The following ATP5F1A variants were observed in gnomAD, a reference collection of about 807,000 sequenced individuals.
ATP5F1A encodes ATP synthase F(1) complex subunit alpha, mitochondrial.
In ATP5F1A, 24 loss-of-function variants were observed where a neutral mutation model predicts 57.4. The observed-to-expected ratio is 0.42, with a 90% CI of 0.30 to 0.59. The LOEUF is 0.59. Among genes scored for constraint, ATP5F1A ranks in the 20% least tolerant of loss-of-function variants. ATP5F1A has a pLI of 0.19. For missense variants in ATP5F1A, 494 were observed against 707.9 expected, an observed-to-expected ratio of 0.70 and a Z score of 3.43; for synonymous variants, 251 against 255.5, an observed-to-expected ratio of 0.98 and a Z score of 0.17.
chr18:46,099,009 T>C (rs192635321), upstream of ATP5F1A, among the ~76,000 whole-genome samples: 2 of 151,950 alleles, frequency 1.3e-5, no homozygotes, highest in Non-Finnish European at 2.9e-5. Context: ...ACCTAGGTGA[T>C]GGGATGATAG....
rs1241520640 is a variant in ATP5F1A, at chr18:46,089,680, A to G, written c.536T>C (p.Ile179Thr). The G allele has an allele frequency of 2.5e-6, 4 of 1,614,278 alleles. No homozygotes were observed. Among genetic ancestry groups the G allele is most frequent in the Non-Finnish European group, 3.4e-6 (4 of 1,180,054 alleles). Residue 179 changes from isoleucine to threonine, a missense_variant, in exon 5 of 12, where the codon ATC (isoleucine) becomes ACC (threonine). By Grantham distance (89) the Ile-to-Thr change is moderately conservative. Coordinates refer to ENST00000398752, the MANE Select transcript of ATP5F1A (RefSeq NM_004046.6). ...TTCCCGCACTGAAATTCGAGGAATG[A>G]TACCGGGGGCTTTCAGACCAACTCG... Reference protein sequence around the residue: ...RRRVGLKAPGIIPRISVREPM... With the variant: ...RRRVGLKAPGTIPRISVREPM...
At position 46,082,110 on chromosome 18, in the gene ATP5F1A, G is replaced by T. The variant is rs563198216; in HGVS notation, c.*2172C>A. ...AAAAAAAAAAAAAAAGAGGCCGGGC[G>T]CGGTGGCTCAAGCCTGTAATCCCAG... On this transcript the variant is annotated 3_prime_UTR_variant, in exon 12 of 12. Transcript: ENST00000398752. 2 of 150,732 alleles carry T rather than the reference G, an allele frequency of 1.3e-5. No individual in the cohort carries two copies. Among genetic ancestry groups the T allele is most frequent in the East Asian group, 3.9e-4 (2 of 5,134 alleles). The allele number at this position is 150,732 out of a possible 1,614,324, so 9.3% of individuals were successfully genotyped here. A position where few individuals can be genotyped will look rare whatever the true frequency, so the allele number is the denominator to read the frequency against.
upstream of ATP5F1A, among the ~76,000 whole-genome samples, chr18:46,100,811 G>A (rs371900853): frequency 5.9e-5 from 9 of 152,170 alleles, no homozygotes; most frequent in Admixed American, 3.3e-4. Context: ...GGTGGCTCAC[G>A]CCTGTAATCC....
At chr18:46,095,521 T>C (rs1045049401) in intron 1 of ATP5F1A, among the ~76,000 whole-genome samples, 3 of 152,076 alleles carry the variant, frequency 2.0e-5, no homozygotes, top group Non-Finnish European at 4.4e-5. Flanking sequence ...TTCACCATGC[T>C]GGCCAGGCTG....
At chr18:46,090,446 G>A (rs1415676165) in intron 3 of ATP5F1A, among the ~76,000 whole-genome samples, 1 of 152,134 alleles carries the variant, frequency 6.6e-6, no homozygotes, top group Non-Finnish European at 1.5e-5. Context: ...ATCAAAACCT[G>A]TACTCTTCGA....
chr18:46,100,844 G>T (rs142957863), upstream of ATP5F1A, among the ~76,000 whole-genome samples: 89 of 151,588 alleles, frequency 5.9e-4, no homozygotes, highest in East Asian at 0.017. Context: ...AGGCCGAGGC[G>T]GGTGGATCAC....
chr18:46,102,463 A>G (rs1013725986), upstream of ATP5F1A, among the ~76,000 whole-genome samples: 5 of 151,940 alleles, frequency 3.3e-5, no homozygotes, highest in African/African-American at 1.2e-4. Context: ...GGCTGGGATT[A>G]CAGGCACGTG....
chr18:46,103,531 G>A (rs1911351025), intron 1 of ATP5F1A, among the ~76,000 whole-genome samples: 1 of 146,042 alleles, frequency 6.8e-6, no homozygotes, highest in Non-Finnish European at 1.5e-5. Flanking sequence ...AACCCGGGAA[G>A]CAGAGGTGGC....
At chr18:46,089,428 T>A (rs1168214131) in intron 5 of ATP5F1A, 138 bp downstream of exon 5, 26 of 1,080,214 alleles carry the variant, frequency 2.4e-5, no homozygotes. Flanking sequence ...CCCCTTCACT[T>A]CCCAGCTGAA....
chr18:46,096,770 T>C (rs1305550279), intron 1 of ATP5F1A, among the ~76,000 whole-genome samples: 2 of 151,478 alleles, frequency 1.3e-5, no homozygotes, highest in Non-Finnish European at 2.9e-5. Flanking sequence ...TCACCTGACG[T>C]CAGGAGTTCA....
intron 2 of ATP5F1A, 70 bp from the exon 3 acceptor site, chr18:46,091,921 C>A: frequency 6.8e-7 from 1 of 1,480,450 alleles, no homozygotes; most frequent in Admixed American, 2.2e-5. Context: ...AGCTGTAATC[C>A]CAGCACTTTT....
At chr18:46,097,879 C>T (rs960541322) in intron 1 of ATP5F1A, 29 of 1,213,822 alleles carry the variant, frequency 2.4e-5, no homozygotes, top group Admixed American at 4.3e-5. Context: ...AAGCCCTGAC[C>T]TTCACCCAAG....
chr18:46,098,328 C>A, upstream of ATP5F1A: 1 of 1,443,894 alleles, frequency 6.9e-7, no homozygotes. Context: ...AGACAGCCGG[C>A]CCACCTGACC....
At chr18:46,087,643 G>A (rs1008465528) in intron 6 of ATP5F1A, 151 bp from the exon 7 acceptor site, 10 of 878,114 alleles carry the variant, frequency 1.1e-5, no homozygotes, top group Non-Finnish European at 1.7e-5. Flanking sequence ...ACTTTGGGAG[G>A]CCCTAGGCGG....
Position 46,086,499 on chromosome 18 carries a change from A to G in ATP5F1A, c.1177-5T>C. 2 of 1,611,596 alleles carry G rather than the reference A, an allele frequency of 1.2e-6. No homozygotes were observed. Among genetic ancestry groups the G allele is most frequent in the South Asian group, 2.2e-5 (2 of 90,724 alleles). Reference sequence around the variant, plus strand: ...CAATTCTGTTTCCAAGAAGATCTATAATGTAAGGAAATACGCACGCTAGCA... The same window carrying G: ...CAATTCTGTTTCCAAGAAGATCTATGATGTAAGGAAATACGCACGCTAGCA... On this transcript the variant is annotated splice_polypyrimidine_tract_variant and splice_region_variant and intron_variant, in intron 8 of 11. Transcript: ENST00000398752.
rs1275874543 is a variant in ATP5F1A, at chr18:46,086,443, C to T, written c.1228G>A (p.Val410Ile). ...CCGACACGAGATACAGACAGACCAA[C>T]GTTAATTGCAGGGCGGATACCTTTG... The part of the protein sequence containing the change: ...FYKGIRPAIN[V>I]GLSVSRVGSA... The change falls in exon 9 of 12, where the codon GTT becomes ATT. Residue 410 changes from valine to isoleucine, a missense_variant. Val to Ile is a conservative substitution (Grantham distance 29). Around this residue, in one of 6 missense-constraint regions of ATP5F1A, gnomAD observed 127 missense variants for 195.2 expected, o/e 0.65. Coordinates refer to ENST00000398752, the MANE Select transcript of ATP5F1A (RefSeq NM_004046.6). The T allele has an allele frequency of 1.2e-6, 2 of 1,614,114 alleles. No individual in the cohort carries two copies. Among genetic ancestry groups the T allele is most frequent in the Non-Finnish European group, 8.5e-7 (1 of 1,180,006 alleles).
In ATP5F1A at chr18:46,084,056, T is replaced by C; in HGVS notation, c.*226A>G. On this transcript the variant is annotated 3_prime_UTR_variant, in exon 12 of 12. Transcript: ENST00000398752. Reference sequence around the variant, plus strand: ...TATCTAGCCCAGTTGACTGTACCAATATTCAAGTAAAATAGATCAAGAAGC... The same window carrying C: ...TATCTAGCCCAGTTGACTGTACCAACATTCAAGTAAAATAGATCAAGAAGC... 2.5e-6 allele frequency: 1 copy of C among 402,820 alleles called. No homozygotes were observed. Among genetic ancestry groups the C allele is most frequent in the Non-Finnish European group, 4.4e-6 (1 of 227,980 alleles). The allele number at this position is 402,820 out of a possible 1,614,324, so 25.0% of individuals were successfully genotyped here.
chr18:46,097,861 T>C (rs758448834), intron 1 of ATP5F1A: 2 of 1,178,988 alleles, frequency 1.7e-6, no homozygotes, highest in East Asian at 3.9e-5. Context: ...CTCGGAGAGC[T>C]AGCGCCCAAG....
Position 46,084,014 on chromosome 18 carries a change from A to C in ATP5F1A, c.*268T>G. ...AAAAAAACAAAAAAAAAACTTACAA[A>C]GAGCTCAGCCTTGAATTATCTAGCC... On this transcript the variant is annotated 3_prime_UTR_variant, in exon 12 of 12. Transcript: ENST00000398752. 1 of 304,884 alleles carries C rather than the reference A, an allele frequency of 3.3e-6. No individual in the cohort carries two copies. The highest frequency in any genetic ancestry group is 5.9e-6 in the Non-Finnish European group (1 of 168,598). The allele number at this position is 304,884 out of a possible 1,614,324, so 18.9% of individuals were successfully genotyped here. A position where few individuals can be genotyped will look rare whatever the true frequency, so the allele number is the denominator to read the frequency against.
Sources: gnomAD v4.1 joint callset for allele counts (sites outside exome capture counted in the v4.1 genomes callset) on GRCh38, gnomAD v4.1.1 for gene constraint, gnomAD v4.1.1 regional missense constraint, MANE v1.5 for transcripts, NCBI Gene and HGNC (gene_info 2026-07-23, HGNC 2026-07-21) for gene names.